Variants in CDH4 observed in about 807,000 individuals in gnomAD.
CDH4 encodes cadherin 4, also known as cadherin-4.
A neutral mutation model predicts 86.0 loss-of-function variants in CDH4; 33 were observed. The ratio of observed to expected loss-of-function variants is 0.38; its 90% CI spans 0.29 to 0.51. The LOEUF is 0.51. Ranked by LOEUF, CDH4 falls within the 20% of genes least tolerant of loss-of-function variation. The pLI is 0.86. For missense variants in CDH4, 1,114 were observed against 1,307.4 expected (o/e 0.85, Z 2.28); for synonymous variants, 555 against 549.4 (o/e 1.01, Z -0.14).
At chr20:61,897,646 C>T (rs1202563260) in intron 8 of CDH4, among the ~76,000 whole-genome samples, 2 of 152,336 alleles carry the variant, frequency 1.3e-5, no homozygotes, top group African/African-American at 2.4e-5. Context: ...TGGGGCTCCT[C>T]CTCCTGGGAC....
At chr20:61,253,781 G>A (rs1485524909) in intron 1 of CDH4, among the ~76,000 whole-genome samples, 2 of 152,156 alleles carry the variant, frequency 1.3e-5, no homozygotes. Context: ...CTGGAGCTCC[G>A]GGCTGGGGGC....
At chr20:61,932,577 A>G (rs549067223) in intron 13 of CDH4, among the ~76,000 whole-genome samples, 2 of 128,394 alleles carry the variant, frequency 1.6e-5, no homozygotes, top group African/African-American at 6.6e-5. Flanking sequence ...ACACACGAGC[A>G]CACACACAGA....
intron 2 of CDH4, among the ~76,000 whole-genome samples, chr20:61,283,550 GTGGTGTGTGATGTAGGTGCA>G (rs1238024112): frequency 1.9e-4 from 26 of 140,528 alleles, no homozygotes; most frequent in Non-Finnish European, 2.5e-4. Flanking sequence ...CGCGTGTGCT[GTGGTGTGTGATGTAGGTGCA>G]TTTGCACGTG....
At chr20:61,394,323 C>A (rs778927224) in intron 2 of CDH4, among the ~76,000 whole-genome samples, 2 of 152,172 alleles carry the variant, frequency 1.3e-5, no homozygotes, top group African/African-American at 2.4e-5. Flanking sequence ...CTGTCCCTCT[C>A]GGGCAGAACC....
chr20:61,580,244 C>T (rs758469363), intron 2 of CDH4, among the ~76,000 whole-genome samples: 3 of 152,182 alleles, frequency 2.0e-5, no homozygotes, highest in Non-Finnish European at 4.4e-5. Context: ...CACCTGAGGT[C>T]ATGAGTTCGA....
intron 2 of CDH4, among the ~76,000 whole-genome samples, chr20:61,414,186 A>G (rs989001809): frequency 1.3e-5 from 2 of 152,250 alleles, no homozygotes; most frequent in Non-Finnish European, 2.9e-5. Flanking sequence ...AAGACTCAGC[A>G]TATGAATCTT....
At chr20:61,424,142 A>C (rs2085197005) in intron 2 of CDH4, among the ~76,000 whole-genome samples, 1 of 150,878 alleles carries the variant, frequency 6.6e-6, no homozygotes, top group Non-Finnish European at 1.5e-5. Context: ...CACACAGCAC[A>C]CATGTATACA....
At chr20:61,777,615 C>T (rs2088856319) in intron 4 of CDH4, among the ~76,000 whole-genome samples, 1 of 151,850 alleles carries the variant, frequency 6.6e-6, no homozygotes, top group South Asian at 2.1e-4. Context: ...CACATGCGCA[C>T]ACACGTGCAT....
intron 2 of CDH4, among the ~76,000 whole-genome samples, chr20:61,583,658 G>A (rs777483236): frequency 7.2e-5 from 11 of 152,166 alleles, no homozygotes; most frequent in South Asian, 2.1e-4. Flanking sequence ...CACTTTCCTC[G>A]TTGACATCAC....
intron 2 of CDH4, among the ~76,000 whole-genome samples, chr20:61,300,612 C>T (rs755211403): frequency 3.3e-5 from 5 of 152,180 alleles, no homozygotes; most frequent in East Asian, 1.9e-4. Flanking sequence ...ACCCGTCTCC[C>T]GGGTCTGTGT....
intron 3 of CDH4, among the ~76,000 whole-genome samples, chr20:61,762,949 T>C (rs1600960570): frequency 6.6e-6 from 1 of 152,228 alleles, no homozygotes; most frequent in African/African-American, 2.4e-5. Context: ...CAGCAGAAAC[T>C]GATTTGAAAA....
At chr20:61,693,259 G>A (rs1256663158) in intron 2 of CDH4, among the ~76,000 whole-genome samples, 6 of 151,282 alleles carry the variant, frequency 4.0e-5, no homozygotes, top group South Asian at 2.1e-4. Flanking sequence ...AGGGGGCCAC[G>A]TCGGGCCTGT....
In CDH4 at chr20:61,910,563, C is replaced by T. The variant is rs776562699; in HGVS notation, c.1330C>T (p.Arg444Cys). 2.7e-5 allele frequency: 44 copies of T among 1,613,780 alleles called. No individual in the cohort carries two copies. Among genetic ancestry groups the T allele is most frequent in the Admixed American group, 1.7e-4 (10 of 59,996 alleles). Residue 444 changes from arginine (R) to cysteine (C), a missense_variant, in exon 9 of 16, where the codon CGC becomes TGC. Physicochemically the swap from Arg to Cys is radical, Grantham distance 180. Around this residue, in one of 3 missense-constraint regions of CDH4, gnomAD observed 705 missense variants for 914.1 expected, o/e 0.77. Coordinates refer to ENST00000614565, the MANE Select transcript of CDH4 (RefSeq NM_001794.5). Reference sequence around the variant, plus strand: ...GGATCCATCCGGGCACTTCAGCGTCCGCACAGACCCCGTAACCAACGAGGG... The same window carrying T: ...GGATCCATCCGGGCACTTCAGCGTCTGCACAGACCCCGTAACCAACGAGGG... Reference protein sequence around the residue: ...SGDPSGHFSVRTDPVTNEGMV... With the variant: ...SGDPSGHFSVCTDPVTNEGMV...
intron 4 of CDH4, among the ~76,000 whole-genome samples, chr20:61,791,521 G>A (rs1979201233): frequency 6.6e-6 from 1 of 152,244 alleles, no homozygotes; most frequent in Non-Finnish European, 1.5e-5. Flanking sequence ...TGGTGTTGAG[G>A]TCCGCAGTGG....
At chr20:61,858,214 T>C (rs1479628269) in intron 6 of CDH4, among the ~76,000 whole-genome samples, 2 of 151,524 alleles carry the variant, frequency 1.3e-5, no homozygotes, top group African/African-American at 2.4e-5. Flanking sequence ...TATATGTGTG[T>C]CTGTGTCTCT....
chr20:61,448,813 G>T (rs1237529345), intron 2 of CDH4, among the ~76,000 whole-genome samples: 1 of 152,106 alleles, frequency 6.6e-6, no homozygotes, highest in Non-Finnish European at 1.5e-5. Flanking sequence ...ACTCTGAAAA[G>T]GCTATTCTTT....
At chr20:61,567,175 G>A (rs771811117) in intron 2 of CDH4, among the ~76,000 whole-genome samples, 3 of 152,148 alleles carry the variant, frequency 2.0e-5, no homozygotes, top group Non-Finnish European at 2.9e-5. Flanking sequence ...AGAAAATTCC[G>A]AAAGCTGACA....
Position 61,933,120 on chromosome 20 carries a change from A to T in CDH4, c.2375A>T (p.Asp792Val). The change falls in exon 14 of 16, where the codon GAC (aspartate) becomes GTC (valine). Residue 792 changes from aspartate (D) to valine (V), a missense_variant. This residue lies in a region of CDH4 where 188 missense variants were observed against 183.8 expected (regional missense o/e 1.02). Transcript: ENST00000614565. ...KYDEEGGGEE[D>V]QDYDLSQLQQ... ...GACGAGGAAGGCGGTGGCGAGGAGG[A>T]CCAGGTGAGACTGCGGCCCGCCCCC... The T allele has an allele frequency of 6.2e-7, 1 of 1,612,248 alleles. No homozygotes were observed. The highest frequency in any genetic ancestry group is 8.5e-7 in the Non-Finnish European group (1 of 1,179,426).
At chr20:61,562,450 A>G (rs1484528779) in intron 2 of CDH4, among the ~76,000 whole-genome samples, 2 of 152,036 alleles carry the variant, frequency 1.3e-5, no homozygotes, top group African/African-American at 4.8e-5. Context: ...GGAGAGAGAG[A>G]GGGGCCTCCG....
Sources: gnomAD v4.1 joint callset for allele counts (sites outside exome capture counted in the v4.1 genomes callset) on GRCh38, gnomAD v4.1.1 for gene constraint, gnomAD v4.1.1 regional missense constraint, MANE v1.5 for transcripts, NCBI Gene and HGNC (gene_info 2026-07-23, HGNC 2026-07-21) for gene names.